Variants in MBOAT2 observed in about 807,000 individuals in gnomAD.
MBOAT2 encodes membrane bound glycerophospholipid O-acyltransferase 2.
In MBOAT2, 28 loss-of-function variants were observed where a neutral mutation model predicts 63.4. The observed-to-expected ratio is 0.44, with a 90% CI of 0.33 to 0.61. The LOEUF (loss-of-function observed/expected upper bound fraction) is 0.61. Ranked by LOEUF, MBOAT2 falls within the 20% of genes least tolerant of loss-of-function variation. MBOAT2 has a pLI of 0.03. For synonymous variants in MBOAT2, 211 were observed against 215.6 expected, an observed-to-expected ratio of 0.98 and a Z score of 0.19; for missense variants, 470 against 605.8, an observed-to-expected ratio of 0.78 and a Z score of 2.35.
At chr2:8,875,774 A>C (rs16866839) in intron 7 of MBOAT2, among the ~76,000 whole-genome samples, 4,086 of 152,340 alleles carry the variant, frequency 0.027, 147 homozygotes, top group African/African-American at 0.085. Context: ...CAAAACAGTC[A>C]GTGAAGAGAC....
chr2:8,983,162 A>G (rs1671317883), intron 1 of MBOAT2, among the ~76,000 whole-genome samples: 1 of 152,196 alleles, frequency 6.6e-6, no homozygotes, highest in Non-Finnish European at 1.5e-5. Flanking sequence ...AGCTTGATCC[A>G]AATTATATGA....
chr2:8,949,697 T>C (rs1374391584), intron 2 of MBOAT2, among the ~76,000 whole-genome samples: 1 of 152,206 alleles, frequency 6.6e-6, no homozygotes, highest in Non-Finnish European at 1.5e-5. Context: ...TCCATTGGTT[T>C]GTGTCTGTTT....
chr2:8,915,933 A>T (rs1666138967), intron 3 of MBOAT2, among the ~76,000 whole-genome samples: 1 of 152,172 alleles, frequency 6.6e-6, no homozygotes, highest in African/African-American at 2.4e-5. Flanking sequence ...TGGCTATGGT[A>T]TCCCCATCAC....
chr2:8,978,253 G>A (rs1670961054), intron 1 of MBOAT2, among the ~76,000 whole-genome samples: 1 of 151,904 alleles, frequency 6.6e-6, no homozygotes, highest in African/African-American at 2.4e-5. Context: ...CCCCAAAGCT[G>A]ACACTTCCCC....
At chr2:8,919,094 G>C (rs1473155016) in intron 3 of MBOAT2, among the ~76,000 whole-genome samples, 1 of 152,158 alleles carries the variant, frequency 6.6e-6, no homozygotes, top group East Asian at 1.9e-4. Context: ...TTGTTCCTTT[G>C]TAAACTGCCG....
chr2:8,954,317 T>C (rs1010282038), intron 2 of MBOAT2, among the ~76,000 whole-genome samples: 1 of 152,216 alleles, frequency 6.6e-6, no homozygotes, highest in African/African-American at 2.4e-5. Flanking sequence ...CCTTGTTTAC[T>C]GGCAGAAGCT....
chr2:8,903,272 C>A (rs1375635457), intron 4 of MBOAT2, among the ~76,000 whole-genome samples: 1 of 152,168 alleles, frequency 6.6e-6, no homozygotes, highest in Non-Finnish European at 1.5e-5. Flanking sequence ...TCTATCACTT[C>A]TTCTTATACT....
chr2:8,990,707 A>C (rs2103361059), intron 1 of MBOAT2, among the ~76,000 whole-genome samples: 1 of 152,330 alleles, frequency 6.6e-6, no homozygotes, highest in South Asian at 2.1e-4. Context: ...AACAATACTT[A>C]GAATTAATTT....
At chr2:8,929,757 G>A (rs975984680) in intron 3 of MBOAT2, among the ~76,000 whole-genome samples, 2 of 152,166 alleles carry the variant, frequency 1.3e-5, no homozygotes, top group Non-Finnish European at 2.9e-5. Context: ...GGACTGCTGG[G>A]TCAAATGGTT....
At chr2:8,963,256 C>CG (rs367837333) in intron 1 of MBOAT2, among the ~76,000 whole-genome samples, 3 of 148,608 alleles carry the variant, frequency 2.0e-5, no homozygotes, top group African/African-American at 5.0e-5. Context: ...AAAATTGAGG[C>CG]GGGGGGGCAG....
chr2:8,897,770 A>T (rs953139362), intron 4 of MBOAT2, among the ~76,000 whole-genome samples: 1 of 152,190 alleles, frequency 6.6e-6, no homozygotes, highest in African/African-American at 2.4e-5. Flanking sequence ...TCTAGACTAT[A>T]ATTTGTTGGC....
chr2:8,888,117 T>TA (rs771855964), intron 4 of MBOAT2, 44 bp from the exon 5 acceptor site: 2 of 1,537,394 alleles, frequency 1.3e-6, no homozygotes, highest in South Asian at 2.3e-5. Flanking sequence ...AGAAGAAAGT[T>TA]AAAACAATAC....
intron 1 of MBOAT2, among the ~76,000 whole-genome samples, chr2:8,963,260 G>A (rs1371151032): frequency 1.3e-5 from 2 of 151,668 alleles, no homozygotes; most frequent in East Asian, 3.9e-4. Context: ...TTGAGGCGGG[G>A]GGGCAGGGGG....
In MBOAT2 at chr2:8,883,608, T is replaced by A. The variant is rs112241504; in HGVS notation, c.452-1043A>T. Among the ~76,000 whole-genome samples the A allele has an allele frequency of 7.0e-3, 1,066 of 152,342 alleles. 12 individuals carry two copies. Among genetic ancestry groups the A allele is most frequent in the South Asian group, 0.02 (96 of 4,828 alleles). ...AAACTCCCTGCTTTTATAGCACTTA[T>A]ATTCTAGTAGGGAGACAGAAGATAA... On this transcript the variant is annotated intron_variant, in intron 5 of 12. Transcript: ENST00000305997.
intron 4 of MBOAT2, among the ~76,000 whole-genome samples, chr2:8,905,255 T>C (rs1665243325): frequency 6.6e-6 from 1 of 152,154 alleles, no homozygotes; most frequent in African/African-American, 2.4e-5. Context: ...TCATGTATTA[T>C]AACACATTCA....
At chr2:8,921,022 ATAGT>A (rs1432130095) in intron 3 of MBOAT2, among the ~76,000 whole-genome samples, 5 of 152,114 alleles carry the variant, frequency 3.3e-5, no homozygotes, top group Admixed American at 1.3e-4. Context: ...TAGACAACAT[ATAGT>A]TAGATTTTTT....
chr2:8,906,884 T>C (rs773393908), intron 4 of MBOAT2, among the ~76,000 whole-genome samples: 2 of 152,164 alleles, frequency 1.3e-5, no homozygotes, highest in Non-Finnish European at 2.9e-5. Context: ...ATATACGGAA[T>C]CCCAAAATAC....
chr2:8,911,712 C>T (rs1056644767), intron 3 of MBOAT2, among the ~76,000 whole-genome samples: 1 of 152,170 alleles, frequency 6.6e-6, no homozygotes, highest in South Asian at 2.1e-4. Flanking sequence ...GCCACGTGGT[C>T]TCTGCACACA....
Position 8,916,306 on chromosome 2 carries a change from T to C in MBOAT2, c.300-7590A>G, listed in dbSNP as rs187216774. ...CTACTATAAATTGGGATTTCTGCTCTTCACAGCCAAAAGAATTCAGATATG... is the reference window on the plus strand; with the variant it reads ...CTACTATAAATTGGGATTTCTGCTCCTCACAGCCAAAAGAATTCAGATATG... On this transcript the variant is annotated intron_variant, in intron 3 of 12. Coordinates refer to ENST00000305997, the MANE Select transcript of MBOAT2 (RefSeq NM_138799.4). Among the ~76,000 whole-genome samples the C allele has an allele frequency of 4.1e-4, 62 of 152,338 alleles. 1 individual carries two copies.
Sources: allele counts gnomAD v4.1 joint callset (sites outside exome capture counted in the v4.1 genomes callset), GRCh38; gene constraint gnomAD v4.1.1; transcripts MANE v1.5; gene names NCBI Gene and HGNC (gene_info 2026-07-23, HGNC 2026-07-21).